The following MYH7 variants were observed in gnomAD, a reference collection of about 807,000 sequenced individuals.
The protein encoded by MYH7 is myosin heavy chain 7, also known as myosin-7.
MYH7 carries 129 observed loss-of-function variants against 225.4 expected under a neutral mutation model. The ratio of observed to expected loss-of-function variants is 0.57; its 90% confidence interval spans 0.50 to 0.66. MYH7 has a LOEUF of 0.66. MYH7 is among the 30% of genes least tolerant of loss of function. MYH7 has a pLI of 0.00. For synonymous variants in MYH7, 971 were observed against 1,007.6 expected, an observed-to-expected ratio of 0.96 and a Z score of 0.69; for missense variants, 1,649 against 2,517.0, an observed-to-expected ratio of 0.66 and a Z score of 7.38.
rs397516251 is a variant in MYH7, at chr14:23,413,901, A to C, written c.5656-8T>G. 2 of 1,613,894 alleles carry C rather than the reference A, an allele frequency of 1.2e-6. No individual in the cohort carries two copies. Among genetic ancestry groups the C allele is most frequent in the East Asian group, 2.2e-5 (1 of 44,880 alleles). On this transcript the variant is annotated splice_polypyrimidine_tract_variant and splice_region_variant and intron_variant, in intron 38 of 39. Coordinates refer to ENST00000355349, the MANE Select transcript of MYH7 (RefSeq NM_000257.4). Reference sequence around the variant, plus strand: ...GGTGTTGGCTTGCTCCTCCTGCGGGAGGTGGGAGCATGAGGTGAGAGGGGG... The same window carrying C: ...GGTGTTGGCTTGCTCCTCCTGCGGGCGGTGGGAGCATGAGGTGAGAGGGGG...
intron 1 of MYH7, among the ~76,000 whole-genome samples, chr14:23,435,278 T>C (rs2138690129): frequency 6.6e-6 from 1 of 152,048 alleles, no homozygotes; most frequent in South Asian, 2.1e-4. Flanking sequence ...ACAGACGTGA[T>C]CATACACCCA....
rs202232153 is a variant in MYH7 at position 23,413,758 on chromosome 14, C to T, written c.5790+1G>A. 2 of 1,613,984 alleles carry T rather than the reference C, an allele frequency of 1.2e-6. No individual in the cohort carries two copies. The highest frequency in any genetic ancestry group is 1.7e-5 in the Admixed American group (1 of 60,036). Reference sequence around the variant, plus strand: ...TAGCAAAGCCCAAAAGAGGGACCCACCTTCGTGCCAATGTCACGGCTCTTG... The same window carrying T: ...TAGCAAAGCCCAAAAGAGGGACCCATCTTCGTGCCAATGTCACGGCTCTTG... On this transcript the variant is annotated splice_donor_variant, in intron 39 of 39. Coordinates refer to ENST00000355349, the MANE Select transcript of MYH7 (RefSeq NM_000257.4). LOFTEE classifies it high-confidence loss of function.
Position 23,421,054 on chromosome 14 carries a change from G to C in MYH7, c.3246-6C>G, listed in dbSNP as rs1336792481. The C allele has an allele frequency of 1.2e-6, 2 of 1,612,522 alleles. No homozygotes were observed. The highest frequency in any genetic ancestry group is 2.2e-5 in the South Asian group (2 of 91,004). On this transcript the variant is annotated splice_polypyrimidine_tract_variant and splice_region_variant and intron_variant, in intron 25 of 39. Transcript: ENST00000355349. ...CATTCAGCTCAAAGTCTTTTCTGTG[G>C]GGAAGGAGGGATGGTGAGGTAAGGG...
chr14:23,417,755 T>C (rs921879913), intron 30 of MYH7, 69 bp from the exon 31 acceptor site: 1 of 1,574,352 alleles, frequency 6.4e-7, no homozygotes, highest in Non-Finnish European at 8.7e-7. Flanking sequence ...GGAAACAACA[T>C]GAACCTTCTC....
In MYH7 at chr14:23,431,585, G is replaced by A. The variant is rs2069542; in HGVS notation, c.732C>T (p.Phe244=). The change falls in exon 8 of 40, where the codon TTC becomes TTT. Residue 244 remains phenylalanine (F), a splice_region_variant and synonymous_variant. Coordinates refer to ENST00000355349, the MANE Select transcript of MYH7 (RefSeq NM_000257.4). ...AAGGCCAAGGTCAGGGACCACTCAC[G>A]AAGCGGGAGGAGTTGTCGTTCCGGA... ...KTVRNDNSSR[F]GKFIRIHFGA... 281,333 of 1,614,106 alleles carry A rather than the reference G, an allele frequency of 0.17. 31,146 individuals are homozygous for A. The highest frequency in any genetic ancestry group is 0.55 in the African/African-American group (41,282 of 74,992).
chr14:23,415,724 A>T lies in MYH7; in HGVS notation c.5062T>A (p.Leu1688Met). 1.2e-6 allele frequency: 2 copies of T among 1,613,232 alleles called. No individual in the cohort carries two copies. The highest frequency in any genetic ancestry group is 1.7e-6 in the Non-Finnish European group (2 of 1,179,822). ...NNLLQAELEE[L>M]RAVVEQTERS... ...TCTGTCTGCTCCACCACGGCACGCAACTCCTCCAGCTCAGCCTGCAGCAGG... is the reference window on the plus strand; with the variant it reads ...TCTGTCTGCTCCACCACGGCACGCATCTCCTCCAGCTCAGCCTGCAGCAGG... The change falls in exon 35 of 40, where the codon TTG becomes ATG. Residue 1688 changes from leucine (L) to methionine (M), a missense_variant. This residue lies in a region of MYH7 where 687 missense variants were observed against 913.8 expected (regional missense o/e 0.75). Transcript: ENST00000355349. The surrounding 1 kb of genome is among the most constrained non-coding windows in gnomAD (Gnocchi z 6.3).
chr14:23,419,360 C>A (rs991169045), intron 28 of MYH7, 65 bp from the exon 29 acceptor site: 1 of 1,612,248 alleles, frequency 6.2e-7, no homozygotes, highest in African/African-American at 1.3e-5. Flanking sequence ...AGCCCTCAGG[C>A]CCCATTTTCT....
chr14:23,420,778 T>C (rs1892442196), intron 26 of MYH7, among the ~76,000 whole-genome samples, 180 bp downstream of exon 26: 1 of 152,210 alleles, frequency 6.6e-6, no homozygotes, highest in Non-Finnish European at 1.5e-5. Flanking sequence ...TCAGGGTCTC[T>C]GTGGATCACC....
rs772455524 is a variant in MYH7, at chr14:23,425,927, C to T, written c.2162+37G>A. ...ATTCCCATCAGGGCAGCCTGGCTCC[C>T]CCTGTTCTATGAGCTCTGGTGCACC... On this transcript the variant is annotated intron_variant, in intron 19 of 39. Transcript: ENST00000355349. The surrounding 1 kb of genome is among the most constrained non-coding windows in gnomAD (Gnocchi z 4.6). 1.2e-6 allele frequency: 2 copies of T among 1,612,852 alleles called. No homozygotes were observed. Among genetic ancestry groups the T allele is most frequent in the East Asian group, 4.5e-5 (2 of 44,902 alleles).
chr14:23,433,766 C>T lies in MYH7; in HGVS notation c.-8-26G>A. ...CTGGAGTGAGCAGAAGCTGGCTGCC[C>T]TCCCATCTGCCCATTCTTCCCTTCC... is the stretch of plus-strand genomic sequence containing the variant. On this transcript the variant is annotated intron_variant, in intron 2 of 39. Transcript: ENST00000355349. The surrounding 1 kb of genome is among the most constrained non-coding windows in gnomAD (Gnocchi z 4.1). 1 of 1,609,582 alleles carries T rather than the reference C, an allele frequency of 6.2e-7. No individual in the cohort carries two copies. Among genetic ancestry groups the T allele is most frequent in the Non-Finnish European group, 8.5e-7 (1 of 1,177,610 alleles).
chr14:23,419,753 G>GGAAA (rs1336757837), intron 27 of MYH7, 92 bp downstream of exon 27: 1 of 1,613,326 alleles, frequency 6.2e-7, no homozygotes, highest in Admixed American at 1.7e-5. Context: ...AAGGGAAGTG[G>GGAAA]GAAAATGAAC....
At chr14:23,416,618 G>T (rs1674778272) in intron 33 of MYH7, among the ~76,000 whole-genome samples, 2 of 152,130 alleles carry the variant, frequency 1.3e-5, no homozygotes, top group Non-Finnish European at 2.9e-5. Flanking sequence ...GCAGAGGTGG[G>T]AACCGGGAGG....
At chr14:23,434,133 T>G in intron 2 of MYH7, 61 bp downstream of exon 2, 1 of 1,010,918 alleles carries the variant, frequency 9.9e-7, no homozygotes, top group Non-Finnish European at 1.2e-6. Flanking sequence ...ATAGGCTGGC[T>G]TTGGGGCTCT....
In MYH7 at chr14:23,433,154, AT is replaced by A; in HGVS notation, c.274del (p.Met92CysfsTer2). The A allele has an allele frequency of 6.2e-7, 1 of 1,614,126 alleles. No individual in the cohort carries two copies. The highest frequency in any genetic ancestry group is 8.5e-7 in the Non-Finnish European group (1 of 1,180,024). On this transcript the variant is annotated frameshift_variant, in exon 4 of 40. Coordinates refer to ENST00000355349, the MANE Select transcript of MYH7 (RefSeq NM_000257.4). LOFTEE classifies it high-confidence loss of function. The surrounding 1 kb of genome is among the most constrained non-coding windows in gnomAD (Gnocchi z 4.1). The stretch of plus-strand genomic sequence containing the variant: ...CGCGGGCTCATGCAGGAAGGTCAGC[AT>A]GGCCATGTCCTCGATTTTGTCGAAC... ...PKFDKIEDMAMLTFLHEPAVL... is the reference protein window; with the variant it reads ...PKFDKIEDMAXLTFLHEPAVL...
At chr14:23,412,940 A>G in intron 39 of MYH7, 69 bp from the exon 40 acceptor site, 1 of 1,527,958 alleles carries the variant, frequency 6.5e-7, no homozygotes. Flanking sequence ...GGGCATGGGA[A>G]CAAAGGTGAG....
In MYH7 at chr14:23,432,674, G is replaced by A. The variant is rs1441500473; in HGVS notation, c.467C>T (p.Ser156Phe). Residue 156 changes from serine to phenylalanine, a missense_variant, in exon 5 of 40, where the codon TCC (serine) becomes TTC (phenylalanine). Physicochemically the swap from Ser to Phe is radical, Grantham distance 155 (BLOSUM62 -2). Transcript: ENST00000355349. ...KRSEAPPHIF[S>F]ISDNAYQYML... ...GTACTGATAGGCGTTGTCGGAGATG[G>A]AGAAGATGTGGGGCGGGGCCTCGCT... 6.2e-7 allele frequency: 1 copy of A among 1,614,018 alleles called. No individual in the cohort carries two copies. Among genetic ancestry groups the A allele is most frequent in the Non-Finnish European group, 8.5e-7 (1 of 1,180,038 alleles).
chr14:23,412,959 G>T, intron 39 of MYH7, 88 bp from the exon 40 acceptor site: 1 of 1,356,332 alleles, frequency 7.4e-7, no homozygotes, highest in Non-Finnish European at 1.0e-6. Context: ...AGAGGGGTCT[G>T]ATGGTGGGGG....
rs727504388 is a variant in MYH7 at position 23,423,673 on chromosome 14, C to A, written c.2973G>T (p.Lys991Asn). The change falls in exon 24 of 40, where the codon AAG (lysine) becomes AAT (asparagine). Residue 991 changes from lysine to asparagine, a missense_variant. This residue lies in a region of MYH7 where 282 missense variants were observed against 315.3 expected (regional missense o/e 0.89). Transcript: ENST00000355349. ...GCAGAGCTTTCTTCTCCTTGGTCAG[C>A]TTGGCAATGATCTCATCCAGCCCAG... ...EMAGLDEIIAKLTKEKKALQE... is the reference protein window; with the variant it reads ...EMAGLDEIIANLTKEKKALQE... 1 of 1,614,040 alleles carries A rather than the reference C, an allele frequency of 6.2e-7. No homozygotes were observed. Among genetic ancestry groups the A allele is most frequent in the Non-Finnish European group, 8.5e-7 (1 of 1,180,024 alleles).
At chr14:23,432,994 G>T in intron 4 of MYH7, 90 bp downstream of exon 4, 1 of 1,587,942 alleles carries the variant, frequency 6.3e-7, no homozygotes, top group Non-Finnish European at 8.6e-7. Context: ...ACCCTGCCTA[G>T]ACACAAACAG....
Sources: allele counts gnomAD v4.1 joint callset (sites outside exome capture counted in the v4.1 genomes callset), GRCh38; gene constraint gnomAD v4.1.1; regional missense constraint gnomAD v4.1.1; non-coding constraint Gnocchi (gnomAD v3.1); transcripts MANE v1.5; gene names NCBI Gene and HGNC (gene_info 2026-07-23, HGNC 2026-07-21).